The following WWOX variants were observed in gnomAD, a reference collection of about 807,000 sequenced individuals.
WWOX encodes WW domain-containing oxidoreductase.
A neutral mutation model predicts 46.2 loss-of-function variants in WWOX; 69 were observed. The ratio of observed to expected loss-of-function variants is 1.49; its 90% confidence interval spans 1.23 to 1.82. WWOX has a LOEUF of 1.82. Among genes scored for constraint, WWOX ranks in the 40% most tolerant of loss-of-function variants. The probability of loss-of-function intolerance (pLI) is 0.00; values close to 1 mark genes in which losing one functional copy is unlikely to be tolerated. For synonymous variants in WWOX, 359 were observed against 202.6 expected, an observed-to-expected ratio of 1.77 and a Z score of -6.56; for missense variants, 919 against 542.6, an observed-to-expected ratio of 1.69 and a Z score of -6.89.
In WWOX at chr16:78,363,283, C is replaced by T. The variant is rs529184648; in HGVS notation, c.517-23577C>T. ...TGCAAGTTTGGGGCATTTTTGAGGG[C>T]TTTTTTTTTTGACGGGGTCTTAATA... On this transcript the variant is annotated intron_variant, in intron 5 of 8. Coordinates refer to ENST00000566780, the MANE Select transcript of WWOX (RefSeq NM_016373.4). Among the ~76,000 whole-genome samples the T allele has an allele frequency of 3.2e-3, 467 of 145,006 alleles. 6 individuals are homozygous for T. The highest frequency in any genetic ancestry group is 9.1e-4 in the Non-Finnish European group (60 of 65,756).
chr16:78,444,497 A>T (rs2083513697), intron 8 of WWOX, among the ~76,000 whole-genome samples: 1 of 151,864 alleles, frequency 6.6e-6, no homozygotes, highest in African/African-American at 2.4e-5. Flanking sequence ...GTCAGAAATT[A>T]TAGGAAGGAT....
At chr16:78,619,938 C>T (rs886533333) in intron 8 of WWOX, among the ~76,000 whole-genome samples, 3 of 152,054 alleles carry the variant, frequency 2.0e-5, no homozygotes, top group African/African-American at 7.2e-5. Flanking sequence ...ATAAAAGTAA[C>T]AGAACCATAG....
intron 6 of WWOX, among the ~76,000 whole-genome samples, chr16:78,422,524 T>G (rs73572813): frequency 0.086 from 12,902 of 149,948 alleles, 1,617 homozygotes; most frequent in African/African-American, 0.28. Flanking sequence ...TTCGGGTGGT[T>G]GTTGTTGAGA....
At chr16:78,180,677 G>T (rs934201286) in intron 5 of WWOX, among the ~76,000 whole-genome samples, 1 of 151,908 alleles carries the variant, frequency 6.6e-6, no homozygotes, top group African/African-American at 2.4e-5. Context: ...AGAGTTGTGG[G>T]TATATGTTAG....
chr16:78,188,877 A>T (rs944319008), intron 5 of WWOX, among the ~76,000 whole-genome samples: 2 of 152,196 alleles, frequency 1.3e-5, no homozygotes, highest in African/African-American at 2.4e-5. Context: ...TTAATTCTGC[A>T]TTTGACTAAC....
At chr16:78,305,655 G>A (rs988324710) in intron 5 of WWOX, among the ~76,000 whole-genome samples, 2 of 151,670 alleles carry the variant, frequency 1.3e-5, no homozygotes, top group Non-Finnish European at 2.9e-5. Flanking sequence ...AGAATGAAAA[G>A]CCCCTTTCTT....
At chr16:78,476,580 A>C (rs949060150) in intron 8 of WWOX, among the ~76,000 whole-genome samples, 1 of 151,444 alleles carries the variant, frequency 6.6e-6, no homozygotes. Context: ...CGTTGTGCAC[A>C]TGTACCCTAG....
At chr16:78,451,248 A>C (rs1220639480) in intron 8 of WWOX, among the ~76,000 whole-genome samples, 1 of 152,200 alleles carries the variant, frequency 6.6e-6, no homozygotes, top group Non-Finnish European at 1.5e-5. Flanking sequence ...TTAGTCTGTA[A>C]TGTGAAGATA....
chr16:78,973,450 T>G (rs1167867712), intron 8 of WWOX, among the ~76,000 whole-genome samples: 1 of 152,198 alleles, frequency 6.6e-6, no homozygotes, highest in Non-Finnish European at 1.5e-5. Flanking sequence ...AAGTATGAAT[T>G]CTCATATGTT....
intron 8 of WWOX, among the ~76,000 whole-genome samples, chr16:78,746,391 G>T (rs1023825835): frequency 6.6e-6 from 1 of 152,198 alleles, no homozygotes; most frequent in South Asian, 2.1e-4. Flanking sequence ...TCAGCTACTT[G>T]GGAGGCTGAG....
intron 1 of WWOX, among the ~76,000 whole-genome samples, chr16:78,102,752 A>G (rs940851358): frequency 2.6e-5 from 4 of 152,104 alleles, no homozygotes; most frequent in African/African-American, 7.2e-5. Context: ...TCCCTTGCCC[A>G]GGTTGCAGAT....
chr16:78,850,704 C>G (rs1008901252), intron 8 of WWOX, among the ~76,000 whole-genome samples: 7 of 152,172 alleles, frequency 4.6e-5, no homozygotes, highest in African/African-American at 1.7e-4. Context: ...GTGCCAGTCA[C>G]TGCCTGTGAA....
chr16:78,260,350 C>T (rs571828140), intron 5 of WWOX, among the ~76,000 whole-genome samples: 1 of 151,580 alleles, frequency 6.6e-6, no homozygotes, highest in Non-Finnish European at 1.5e-5. Context: ...CCTGAAAGAT[C>T]GAAGCCAGAT....
intron 5 of WWOX, among the ~76,000 whole-genome samples, chr16:78,362,882 A>G (rs769427266): frequency 1.1e-4 from 16 of 152,214 alleles, no homozygotes; most frequent in Non-Finnish European, 2.1e-4. Flanking sequence ...CGAAGTTGCT[A>G]AATGCGTAAA....
At chr16:78,905,090 C>T (rs535621762) in intron 8 of WWOX, among the ~76,000 whole-genome samples, 2 of 152,066 alleles carry the variant, frequency 1.3e-5, no homozygotes, top group Non-Finnish European at 2.9e-5. Context: ...TTCTTGGGGT[C>T]ACTTAAAACA....
intron 8 of WWOX, among the ~76,000 whole-genome samples, chr16:78,645,110 A>G (rs1395342342): frequency 2.6e-5 from 4 of 152,122 alleles, no homozygotes; most frequent in South Asian, 2.1e-4. Flanking sequence ...GCAATATACA[A>G]TCTAGTTACA....
At chr16:79,124,537 T>A (rs2049709705) in intron 8 of WWOX, among the ~76,000 whole-genome samples, 1 of 152,200 alleles carries the variant, frequency 6.6e-6, no homozygotes, top group African/African-American at 2.4e-5. Context: ...CTTGTTCAGA[T>A]TCAGCATCTT....
intron 8 of WWOX, among the ~76,000 whole-genome samples, chr16:78,768,020 AGTT>A (rs142887527): frequency 0.015 from 2,354 of 152,164 alleles, 58 homozygotes; most frequent in African/African-American, 0.055. Flanking sequence ...TGAAAGAGAC[AGTT>A]GTTGTTTACA....
intron 5 of WWOX, among the ~76,000 whole-genome samples, chr16:78,316,579 G>A (rs2080360383): frequency 6.6e-6 from 1 of 152,088 alleles, no homozygotes; most frequent in Non-Finnish European, 1.5e-5. Flanking sequence ...CTGGCCTCAG[G>A]TGTTCTGCCC....
Sources: gnomAD v4.1 joint callset for allele counts (sites outside exome capture counted in the v4.1 genomes callset) on GRCh38, gnomAD v4.1.1 for gene constraint, MANE v1.5 for transcripts, NCBI Gene and HGNC (gene_info 2026-07-23, HGNC 2026-07-21) for gene names.